SNN: variants seen among roughly 807,000 people sequenced by gnomAD.
SNN encodes stannin.
A neutral mutation model predicts 5.3 loss-of-function variants in SNN; 5 were observed. That is an observed-to-expected ratio of 0.94 (90% CI 0.49 to 1.97). The LOEUF (loss-of-function observed/expected upper bound fraction) is 1.97, where lower values mean the gene tolerates loss of function less well. Ranked by LOEUF, SNN falls within the 30% of genes most tolerant of loss-of-function variation. The probability of loss-of-function intolerance (pLI) is 0.01; values close to 1 mark genes in which losing one functional copy is unlikely to be tolerated. For missense variants in SNN, 127 were observed against 121.6 expected (o/e 1.04, Z -0.21); for synonymous variants, 67 against 52.1 (o/e 1.29, Z -1.24).
At chr16:11,675,018 C>T (rs1267496440) in intron 1 of SNN, among the ~76,000 whole-genome samples, 1 of 152,166 alleles carries the variant, frequency 6.6e-6, no homozygotes, top group Admixed American at 6.5e-5. Flanking sequence ...ACACTCTACC[C>T]TGTTGCTTCC....
At chr16:11,675,616 G>A (rs550728804) in intron 1 of SNN, among the ~76,000 whole-genome samples, 2 of 152,318 alleles carry the variant, frequency 1.3e-5, no homozygotes, top group East Asian at 1.9e-4. Context: ...GGCCCCAGTT[G>A]CCCTCAGTCC....
rs535097106 is a variant in SNN, at chr16:11,668,996, G to C, written c.-86+456G>C. ...AACTGAGGCCGGGCCGCAGCGTTCG[G>C]CGCCCGGTTCCGTGGGCAGCGGCTG... On this transcript the variant is annotated intron_variant, in intron 1 of 1. Transcript: ENST00000329565. This position sits in a 1 kb window ranked among gnomAD's most constrained non-coding sequence, Gnocchi z 6.8. 3.1e-3 allele frequency among the ~76,000 whole-genome samples: 474 copies of C among 152,232 alleles called. 2 individuals are homozygous for C. The highest frequency in any genetic ancestry group is 0.011 in the African/African-American group (455 of 41,548).
chr16:11,678,961 T>C lies in SNN; in HGVS notation c.*2635T>C. The C allele has an allele frequency of 3.7e-6, 2 of 534,174 alleles. No individual in the cohort carries two copies. The highest frequency in any genetic ancestry group is 6.7e-6 in the Non-Finnish European group (2 of 298,808). 33.1% of individuals were successfully genotyped at this position (534,174 alleles called of 1,614,324 possible). ...ACTGAGCCACTAAAATATGGACTAA[T>C]TTTTTGGACAAATCTTCAAACGGAC... On this transcript the variant is annotated 3_prime_UTR_variant, in exon 2 of 2. Coordinates refer to ENST00000329565, the MANE Select transcript of SNN (RefSeq NM_003498.6).
chr16:11,670,040 A>G (rs1287090134), intron 1 of SNN, among the ~76,000 whole-genome samples: 1 of 152,156 alleles, frequency 6.6e-6, no homozygotes, highest in Non-Finnish European at 1.5e-5. Context: ...CTTGTGTCCC[A>G]CTGGCTGCTG....
At chr16:11,673,786 T>A (rs2050281016) in intron 1 of SNN, among the ~76,000 whole-genome samples, 1 of 152,138 alleles carries the variant, frequency 6.6e-6, no homozygotes, top group African/African-American at 2.4e-5. Context: ...CAGGGCATAT[T>A]GGGGATGTGT....
chr16:11,669,454 A>C (rs1165056702), intron 1 of SNN, among the ~76,000 whole-genome samples: 1 of 152,226 alleles, frequency 6.6e-6, no homozygotes. Context: ...TTTTGGATGC[A>C]GGTTGCCTGG....
Position 11,676,177 on chromosome 16 carries a change from C to A in SNN, c.118C>A (p.Arg40Ser), listed in dbSNP as rs1366025376. Residue 40 changes from arginine to serine, a missense_variant, in exon 2 of 2, where the codon CGC (arginine) becomes AGC (serine). Physicochemically the swap from Arg to Ser is moderately radical, Grantham distance 110 (BLOSUM62 -1). Transcript: ENST00000329565. ...CTGCTGGTGCTACCTGCGGCTGCAG[C>A]GCATCAGCCAGTCAGAGGACGAGGA... ...LGCWCYLRLQ[R>S]ISQSEDEESI... 1 of 1,614,168 alleles carries A rather than the reference C, an allele frequency of 6.2e-7. No individual in the cohort carries two copies. Among genetic ancestry groups the A allele is most frequent in the East Asian group, 2.2e-5 (1 of 44,880 alleles).
At chr16:11,673,772 C>T (rs780388071) in intron 1 of SNN, among the ~76,000 whole-genome samples, 5 of 152,134 alleles carry the variant, frequency 3.3e-5, no homozygotes, top group African/African-American at 7.2e-5. Flanking sequence ...GCGTGGCTGG[C>T]GAGCAGGGCA....
rs1269498376 is a variant in SNN, at chr16:11,676,161, C to T, written c.102C>T (p.Cys34=). ...GGGCCTTGATCCTGGGCTGCTGGTG[C>T]TACCTGCGGCTGCAGCGCATCAGCC... ...ALGALILGCW[C]YLRLQRISQS... is the part of the protein sequence containing the mutation. The change falls in exon 2 of 2, where the codon TGC becomes TGT. Residue 34 remains cysteine, a synonymous_variant. Coordinates refer to ENST00000329565, the MANE Select transcript of SNN (RefSeq NM_003498.6). 3.1e-6 allele frequency: 5 copies of T among 1,614,112 alleles called. No homozygotes were observed. The highest frequency in any genetic ancestry group is 1.3e-5 in the African/African-American group (1 of 74,946).
chr16:11,676,017 A>G lies in SNN; in HGVS notation c.-43A>G, dbSNP rs752697607. 7.2e-6 allele frequency: 11 copies of G among 1,533,360 alleles called. No homozygotes were observed. The highest frequency in any genetic ancestry group is 9.7e-6 in the Non-Finnish European group (11 of 1,139,154). The allele number at this position is 1,533,360 out of a possible 1,614,324, so 95.0% of individuals were successfully genotyped here. A position where few individuals can be genotyped will look rare whatever the true frequency, so the allele number is the denominator to read the frequency against. ...TGAGTTCCAGCCTCACTGAGTGGCC[A>G]CCCCCAAAGTGCTGCCAGCCGAGGA... On this transcript the variant is annotated 5_prime_UTR_variant, in exon 2 of 2. Coordinates refer to ENST00000329565, the MANE Select transcript of SNN (RefSeq NM_003498.6).
intron 1 of SNN, among the ~76,000 whole-genome samples, chr16:11,674,262 G>T (rs1423860173): frequency 2.7e-5 from 4 of 150,906 alleles, no homozygotes; most frequent in Admixed American, 6.6e-5. Flanking sequence ...AACGCGTCTC[G>T]GGCCTGTCCT....
intron 1 of SNN, among the ~76,000 whole-genome samples, chr16:11,669,148 TCCCTGGAGCC>T (rs1425753280): frequency 6.6e-6 from 1 of 152,088 alleles, no homozygotes; most frequent in African/African-American, 2.4e-5. Flanking sequence ...AGCCCCCTCC[TCCCTGGAGCC>T]TCGCTTTGCT....
At chr16:11,673,756 G>A (rs1454359213) in intron 1 of SNN, among the ~76,000 whole-genome samples, 3 of 152,194 alleles carry the variant, frequency 2.0e-5, no homozygotes, top group East Asian at 3.9e-4. Flanking sequence ...TTCGTTGCGG[G>A]GGTCAGCGTG....
chr16:11,673,049 A>G (rs8191295), intron 1 of SNN, among the ~76,000 whole-genome samples: 87,645 of 151,988 alleles, frequency 0.58, 25,986 homozygotes, highest in African/African-American at 0.69. Flanking sequence ...GAGGGCAGGC[A>G]CCCCAGCAGG....
Position 11,671,501 on chromosome 16 carries a change from C to T in SNN, c.-86+2961C>T, listed in dbSNP as rs546812995. On this transcript the variant is annotated intron_variant, in intron 1 of 1. Transcript: ENST00000329565. This position sits in a 1 kb window ranked among gnomAD's most constrained non-coding sequence, Gnocchi z 4.7. ...TGCCTTCTGGCTTTTTGCTTCACCTCCCTGCGTGCGCCTCAGTTTCCTCAC... is the reference window on the plus strand; with the variant it reads ...TGCCTTCTGGCTTTTTGCTTCACCTTCCTGCGTGCGCCTCAGTTTCCTCAC... 6.6e-6 allele frequency among the ~76,000 whole-genome samples: 1 copy of T among 152,292 alleles called. No homozygotes were observed. Among genetic ancestry groups the T allele is most frequent in the South Asian group, 2.1e-4 (1 of 4,824 alleles).
At chr16:11,670,632 C>G (rs1427964324) in intron 1 of SNN, among the ~76,000 whole-genome samples, 1 of 152,252 alleles carries the variant, frequency 6.6e-6, no homozygotes, top group East Asian at 1.9e-4. Context: ...GTCAGGGACT[C>G]GTATCCGCTT....
intron 1 of SNN, among the ~76,000 whole-genome samples, chr16:11,669,219 A>G (rs1428013396): frequency 6.6e-6 from 1 of 152,032 alleles, no homozygotes; most frequent in Non-Finnish European, 1.5e-5. Flanking sequence ...GTGGAACGGG[A>G]GGGTGCGCGG....
At position 11,672,683 on chromosome 16, in the gene SNN, G is replaced by A. The variant is rs1236164913; in HGVS notation, c.-85-3292G>A. ...CAGGCGTGACTGTGGCTCAGTCACTGGGCTCTGTGCTCGCGGCGGGGCAGA... is the reference window on the plus strand; with the variant it reads ...CAGGCGTGACTGTGGCTCAGTCACTAGGCTCTGTGCTCGCGGCGGGGCAGA... On this transcript the variant is annotated intron_variant, in intron 1 of 1. Coordinates refer to ENST00000329565, the MANE Select transcript of SNN (RefSeq NM_003498.6). This position sits in a 1 kb window ranked among gnomAD's most constrained non-coding sequence, Gnocchi z 6.0. Among the ~76,000 whole-genome samples, 1 of 152,208 alleles carries A rather than the reference G, an allele frequency of 6.6e-6. No homozygotes were observed. The highest frequency in any genetic ancestry group is 2.4e-5 in the African/African-American group (1 of 41,444).
chr16:11,679,120 A>G lies in SNN; in HGVS notation c.*2794A>G. 4 of 1,457,622 alleles carry G rather than the reference A, an allele frequency of 2.7e-6. No homozygotes were observed. The highest frequency in any genetic ancestry group is 2.5e-5 in the South Asian group (2 of 79,472). The allele number at this position is 1,457,622 out of a possible 1,614,324, so 90.3% of individuals were successfully genotyped here. On this transcript the variant is annotated 3_prime_UTR_variant, in exon 2 of 2. Coordinates refer to ENST00000329565, the MANE Select transcript of SNN (RefSeq NM_003498.6). This position sits in a 1 kb window ranked among gnomAD's most constrained non-coding sequence, Gnocchi z 4.6. ...CTGAGAAAATCTTTATTTACAATAA[A>G]TTTCAATAAAATTTGCATAAATATA...
Sources: gnomAD v4.1 joint callset for allele counts (sites outside exome capture counted in the v4.1 genomes callset) on GRCh38, gnomAD v4.1.1 for gene constraint, Gnocchi (gnomAD v3.1) non-coding constraint, MANE v1.5 for transcripts, NCBI Gene and HGNC (gene_info 2026-07-23, HGNC 2026-07-21) for gene names.